LRCH3: variants seen among roughly 807,000 people sequenced by gnomAD.
LRCH3 encodes DISP complex protein LRCH3.
In LRCH3, 68 loss-of-function variants were observed where a neutral mutation model predicts 104.5. The ratio of observed to expected loss-of-function variants is 0.65; its 90% CI spans 0.54 to 0.80. The LOEUF is 0.80. LRCH3 is among the 30% of genes least tolerant of loss of function. LRCH3 has a pLI of 0.00. For synonymous variants in LRCH3, 344 were observed against 361.3 expected (o/e 0.95, Z 0.54); for missense variants, 951 against 953.9 (o/e 1.00, Z 0.04).
rs1057012389 is a variant in LRCH3, at chr3:197,870,100, C to T, written c.1874-60C>T. On this transcript the variant is annotated intron_variant, in intron 17 of 20. Transcript: ENST00000425562. ...GCAGGGAAACTGTGATGAGGCAGAG[C>T]CGGATGTTCTCCTAGCACTGCCAGT... 5.7e-6 allele frequency: 9 copies of T among 1,566,320 alleles called. No individual in the cohort carries two copies. The East Asian group carries it at 1.1e-4, about 20-fold the overall frequency.
At chr3:197,838,231 G>A (rs1051894895) in intron 9 of LRCH3, among the ~76,000 whole-genome samples, 38 of 152,338 alleles carry the variant, frequency 2.5e-4, no homozygotes, top group Middle Eastern at 3.4e-3. Context: ...GCCGGCCTGG[G>A]CCACATAGCG....
At chr3:197,827,393 G>A (rs977504273) in intron 5 of LRCH3, among the ~76,000 whole-genome samples, 2 of 151,862 alleles carry the variant, frequency 1.3e-5, no homozygotes, top group African/African-American at 4.8e-5. Context: ...GTAAACCATA[G>A]TGGAAGCATC....
intron 17 of LRCH3, 47 bp from the exon 18 acceptor site, chr3:197,870,113 T>C (rs952413334): frequency 6.3e-7 from 1 of 1,595,830 alleles, no homozygotes; most frequent in Non-Finnish European, 8.6e-7. Context: ...GATGTTCTCC[T>C]AGCACTGCCA....
intron 14 of LRCH3, among the ~76,000 whole-genome samples, chr3:197,855,382 T>C (rs1453845516): frequency 6.6e-6 from 1 of 152,228 alleles, no homozygotes; most frequent in East Asian, 1.9e-4. Flanking sequence ...AAGTTAAAAA[T>C]GTAGACAAAT....
chr3:197,827,089 C>A, intron 5 of LRCH3, 75 bp downstream of exon 5: 1 of 1,580,826 alleles, frequency 6.3e-7, no homozygotes, highest in Non-Finnish European at 8.6e-7. Context: ...ATCTGGTGAA[C>A]CATAGTGGAA....
intron 4 of LRCH3, among the ~76,000 whole-genome samples, chr3:197,825,464 ATTTTTTTTTTTTTT>A (rs58237989): frequency 2.6e-3 from 52 of 20,070 alleles, no homozygotes; most frequent in African/African-American, 4.2e-3. Flanking sequence ...ATCCTCTTTG[ATTTTTTTTTTTTTT>A]TTTTTTTTTT....
intron 4 of LRCH3, among the ~76,000 whole-genome samples, chr3:197,824,551 G>C (rs1451535223): frequency 6.7e-6 from 1 of 148,780 alleles, no homozygotes; most frequent in African/African-American, 2.5e-5. Context: ...TGGACTGGCT[G>C]TTCTCTAGTA....
chr3:197,867,202 G>C (rs887450853), intron 17 of LRCH3, among the ~76,000 whole-genome samples: 1 of 152,018 alleles, frequency 6.6e-6, no homozygotes. Context: ...GCTTGAACTT[G>C]GGAGGCAGAA....
At chr3:197,825,392 T>C (rs937631943) in intron 4 of LRCH3, among the ~76,000 whole-genome samples, 12 of 150,556 alleles carry the variant, frequency 8.0e-5, no homozygotes, top group African/African-American at 2.9e-4. Context: ...TTTTCTTTCT[T>C]CTGGTTTCTC....
intron 5 of LRCH3, among the ~76,000 whole-genome samples, chr3:197,829,257 T>A (rs1400094562): frequency 6.6e-6 from 1 of 152,214 alleles, no homozygotes; most frequent in Non-Finnish European, 1.5e-5. Flanking sequence ...ATGCTTTAAA[T>A]CTCTGACTAT....
At chr3:197,832,168 G>GT (rs1736035757) in intron 7 of LRCH3, 29 bp from the exon 8 acceptor site, 1 of 1,601,346 alleles carries the variant, frequency 6.2e-7, no homozygotes, top group African/African-American at 1.3e-5. Context: ...TAAAATGATT[G>GT]TTTTTAATGT....
At chr3:197,805,972 GC>G (rs1271273773) in intron 1 of LRCH3, among the ~76,000 whole-genome samples, 1 of 152,028 alleles carries the variant, frequency 6.6e-6, no homozygotes, top group African/African-American at 2.4e-5. Context: ...TGTTGCCCAG[GC>G]TGGAGTGTAA....
At chr3:197,852,200 G>A in intron 12 of LRCH3, 1 of 201,684 alleles carries the variant, frequency 5.0e-6, no homozygotes, top group South Asian at 9.5e-5. Context: ...GAATGTGTCA[G>A]ATATGAGGTG....
At chr3:197,816,306 G>T (rs1733792475) in intron 2 of LRCH3, among the ~76,000 whole-genome samples, 1 of 151,984 alleles carries the variant, frequency 6.6e-6, no homozygotes, top group Non-Finnish European at 1.5e-5. Context: ...TTGAGACAGG[G>T]TTTTACTCTC....
intron 18 of LRCH3, among the ~76,000 whole-genome samples, chr3:197,870,767 C>T (rs767512914): frequency 1.5e-4 from 22 of 151,094 alleles, no homozygotes; most frequent in South Asian, 6.2e-4. Context: ...TGAGCTTCCG[C>T]GCCCGGCTGT....
At chr3:197,812,185 A>G (rs912425828) in intron 1 of LRCH3, among the ~76,000 whole-genome samples, 3 of 152,086 alleles carry the variant, frequency 2.0e-5, no homozygotes, top group Non-Finnish European at 2.9e-5. Flanking sequence ...ACTCCTCATT[A>G]CTTCCTGGTA....
At chr3:197,845,437 A>AACAT (rs1335726776) in intron 10 of LRCH3, among the ~76,000 whole-genome samples, 1 of 151,822 alleles carries the variant, frequency 6.6e-6, no homozygotes, top group African/African-American at 2.4e-5. Flanking sequence ...GAAAGAAAGA[A>AACAT]ACATAGGTAG....
chr3:197,880,123 T>G (rs1446546692), intron 20 of LRCH3, among the ~76,000 whole-genome samples: 2 of 150,896 alleles, frequency 1.3e-5, no homozygotes, highest in Admixed American at 1.3e-4. Context: ...TTTTTTGTAT[T>G]TTTAGTAAAG....
chr3:197,839,190 A>T, intron 9 of LRCH3, 131 bp from the exon 10 acceptor site: 1 of 604,880 alleles, frequency 1.7e-6, no homozygotes, highest in African/African-American at 2.0e-5. Flanking sequence ...CTTAAAGTTT[A>T]CATTTGAAGA....
Sources: gnomAD v4.1 joint callset for allele counts (sites outside exome capture counted in the v4.1 genomes callset) on GRCh38, gnomAD v4.1.1 for gene constraint, MANE v1.5 for transcripts, NCBI Gene and HGNC (gene_info 2026-07-23, HGNC 2026-07-21) for gene names.